Variants in USB1 observed in about 807,000 individuals in gnomAD.
USB1 encodes the protein U6 snRNA biogenesis phosphodiesterase 1, also known as U6 snRNA phosphodiesterase 1.
A neutral mutation model predicts 29.9 loss-of-function variants in USB1; 21 were observed. That is an observed-to-expected ratio of 0.70 (90% confidence interval 0.50 to 1.01). The LOEUF is 1.01. Among genes scored for constraint, USB1 ranks in the 50% least tolerant of loss-of-function variants. The pLI is 0.00. For missense variants in USB1, 330 were observed against 347.1 expected (o/e 0.95, Z 0.39); for synonymous variants, 143 against 134.9 (o/e 1.06, Z -0.42).
chr16:58,008,439 ATCTTTT>A (rs1398189640), intron 2 of USB1, among the ~76,000 whole-genome samples: 7 of 145,278 alleles, frequency 4.8e-5, no homozygotes, highest in Admixed American at 7.0e-5. Context: ...TTGACTTTAG[ATCTTTT>A]TCTTTTTCTT....
Position 58,020,494 on chromosome 16 carries a change from T to C in USB1, c.*249T>C, listed in dbSNP as rs1050144329. 3.8e-5 allele frequency: 21 copies of C among 546,208 alleles called. No homozygotes were observed. The highest frequency in any genetic ancestry group is 6.6e-5 in the Non-Finnish European group (20 of 303,924). The allele number at this position is 546,208 out of a possible 1,614,324, so 33.8% of individuals were successfully genotyped here. A position where few individuals can be genotyped will look rare whatever the true frequency, so the allele number is the denominator to read the frequency against. The stretch of plus-strand genomic sequence containing the variant: ...TGTCTCTCTTCCTCTCCTCTCTTCC[T>C]CTCTTCTCTCTTCCTCTCCTCTCTC... On this transcript the variant is annotated 3_prime_UTR_variant, in exon 7 of 7. Coordinates refer to ENST00000219281, the MANE Select transcript of USB1 (RefSeq NM_024598.4).
chr16:58,014,174 TTAAC>T, intron 3 of USB1, 95 bp from the exon 4 acceptor site: 1 of 949,750 alleles, frequency 1.1e-6, no homozygotes, highest in South Asian at 1.4e-5. Context: ...GCAAAATGAG[TTAAC>T]TATATTTTCA....
chr16:58,018,605 CAG>C (rs147587332), intron 5 of USB1, among the ~76,000 whole-genome samples: 23 of 151,790 alleles, frequency 1.5e-4, no homozygotes, highest in African/African-American at 4.8e-4. Flanking sequence ...TTGGGGGCTA[CAG>C]AGAGAGAGAG....
upstream of USB1, chr16:58,001,231 A>G (rs1395679962): frequency 8.4e-6 from 5 of 595,878 alleles, no homozygotes; most frequent in East Asian, 1.4e-4. Flanking sequence ...TGGGTACACG[A>G]AGGCTGGGGA....
intron 2 of USB1, among the ~76,000 whole-genome samples, chr16:58,007,535 C>T (rs929319372): frequency 2.0e-5 from 3 of 152,120 alleles, no homozygotes; most frequent in African/African-American, 4.8e-5. Context: ...GCACCTACCA[C>T]CACGCCTGGC....
chr16:58,001,472 G>A lies in USB1; in HGVS notation c.-12G>A, dbSNP rs774106572. ...CTGGTGGACCTGCTCTGGTGGTCTT[G>A]GATGAGGCCCCATGAGCGCGGCGCC... On this transcript the variant is annotated 5_prime_UTR_variant, in exon 1 of 7. Transcript: ENST00000219281. 6.3e-7 allele frequency: 1 copy of A among 1,592,154 alleles called. No homozygotes were observed. Among genetic ancestry groups the A allele is most frequent in the African/African-American group, 1.3e-5 (1 of 74,560 alleles).
intron 3 of USB1, chr16:58,012,236 C>T: frequency 2.0e-6 from 3 of 1,529,378 alleles, no homozygotes; most frequent in Non-Finnish European, 2.6e-6. Context: ...AAACTCATCT[C>T]TCAACCTAGT....
Position 58,013,040 on chromosome 16 carries a change from C to T in USB1, c.450-1233C>T, listed in dbSNP as rs1009732763. The T allele has an allele frequency of 2.4e-5, 24 of 985,448 alleles. No homozygotes were observed. In the South Asian group the frequency reaches 4.2e-4, roughly 17 times the overall value. 61.0% of individuals were successfully genotyped at this position (985,448 alleles called of 1,614,324 possible). ...AAGGATCTGTGTCATGAGTGAAGCC[C>T]GGGCAGGTGTGGTCTGTTCAACTTT... On this transcript the variant is annotated intron_variant, in intron 3 of 6. Coordinates refer to ENST00000219281, the MANE Select transcript of USB1 (RefSeq NM_024598.4). This position sits in a 1 kb window ranked among gnomAD's most constrained non-coding sequence, Gnocchi z 4.3.
upstream of USB1, chr16:58,001,253 G>A: frequency 1.6e-6 from 1 of 614,240 alleles, no homozygotes; most frequent in Non-Finnish European, 2.9e-6. Flanking sequence ...GTCCCAGCGG[G>A]GTGCCGGGAG....
chr16:58,000,213 G>T (rs1440337748), upstream of USB1, among the ~76,000 whole-genome samples: 2 of 152,070 alleles, frequency 1.3e-5, no homozygotes, highest in African/African-American at 4.8e-5. The surrounding 1 kb of genome is among the most constrained non-coding windows in gnomAD (Gnocchi z 4.5). Flanking sequence ...CTGGAGAAAG[G>T]CCCCAGGGCT....
chr16:58,010,988 C>T (rs532016268), intron 3 of USB1: 3 of 702,928 alleles, frequency 4.3e-6, no homozygotes, highest in East Asian at 5.4e-5. Flanking sequence ...TTCCCAGCTT[C>T]TAATCATGCC....
At chr16:58,011,145 T>G (rs1567420540) in intron 3 of USB1, 3 of 1,393,266 alleles carry the variant, frequency 2.2e-6, no homozygotes, top group Non-Finnish European at 2.9e-6. Context: ...CAAAAGATGC[T>G]CCTAGCACCC....
At chr16:58,010,715 T>TA (rs1302777183) in intron 3 of USB1, 1 of 381,960 alleles carries the variant, frequency 2.6e-6, no homozygotes, top group Non-Finnish European at 4.8e-6. Flanking sequence ...AAGGATATGT[T>TA]ACAGGATACA....
At position 58,017,590 on chromosome 16, in the gene USB1, CG is replaced by C. The variant is rs1963646999; in HGVS notation, c.609+157del. The C allele has an allele frequency of 7.4e-5, 56 of 753,796 alleles. No individual in the cohort carries two copies. In the South Asian group the frequency reaches 8.2e-4, roughly 11 times the overall value. The allele number at this position is 753,796 out of a possible 1,614,324, so 46.7% of individuals were successfully genotyped here. ...GCCAGCCTTCTGAGGATGCACACCT[CG>C]GGGGGTGAGGGCTTTGAGGTGTAGT... On this transcript the variant is annotated intron_variant, in intron 5 of 6. Coordinates refer to ENST00000219281, the MANE Select transcript of USB1 (RefSeq NM_024598.4).
At position 58,013,156 on chromosome 16, in the gene USB1, C is replaced by G; in HGVS notation, c.450-1117C>G. ...TGAGGAAATGCTAAGCTCTGTTTGG[C>G]CAGGCCTGGGCAGCCTGCCTCTGGA... On this transcript the variant is annotated intron_variant, in intron 3 of 6. Transcript: ENST00000219281. The surrounding 1 kb of genome is among the most constrained non-coding windows in gnomAD (Gnocchi z 4.3). 8 of 985,504 alleles carry G rather than the reference C, an allele frequency of 8.1e-6. No homozygotes were observed. The highest frequency in any genetic ancestry group is 8.4e-6 in the Non-Finnish European group (7 of 830,006). The allele number at this position is 985,504 out of a possible 1,614,324, so 61.0% of individuals were successfully genotyped here. A position where few individuals can be genotyped will look rare whatever the true frequency, so the allele number is the denominator to read the frequency against.
intron 1 of USB1, 156 bp downstream of exon 1, chr16:58,001,737 C>T: frequency 2.2e-6 from 2 of 921,448 alleles, no homozygotes; most frequent in Non-Finnish European, 3.3e-6. Flanking sequence ...GAAGATATAC[C>T]CCTCCCCCCC....
chr16:58,011,217 C>T, intron 3 of USB1: 1 of 1,505,326 alleles, frequency 6.6e-7, no homozygotes, highest in Non-Finnish European at 8.8e-7. Context: ...AGGCTGAGAC[C>T]AACACATATG....
At chr16:58,004,879 C>T (rs1389984348) in intron 2 of USB1, among the ~76,000 whole-genome samples, 2 of 152,096 alleles carry the variant, frequency 1.3e-5, no homozygotes, top group African/African-American at 2.4e-5. Context: ...ACTACCAAGA[C>T]GCGGAGACCG....
chr16:58,019,165 T>C (rs1963685827), intron 6 of USB1, 110 bp downstream of exon 6: 1 of 1,145,686 alleles, frequency 8.7e-7, no homozygotes, highest in African/African-American at 1.5e-5. Context: ...GGGAAACAAA[T>C]GACATGGCAG....
Sources: gnomAD v4.1 joint callset for allele counts (sites outside exome capture counted in the v4.1 genomes callset) on GRCh38, gnomAD v4.1.1 for gene constraint, Gnocchi (gnomAD v3.1) non-coding constraint, MANE v1.5 for transcripts, NCBI Gene and HGNC (gene_info 2026-07-23, HGNC 2026-07-21) for gene names.